THSD7B: variants seen among roughly 807,000 people sequenced by gnomAD.
THSD7B encodes the protein thrombospondin type 1 domain containing 7B.
THSD7B carries 138 observed loss-of-function variants against 213.6 expected under a neutral mutation model. That is an observed-to-expected ratio of 0.65 (90% CI 0.56 to 0.74). THSD7B has a LOEUF of 0.74. Among genes scored for constraint, THSD7B ranks in the 30% least tolerant of loss-of-function variants. THSD7B has a pLI of 0.00. For missense variants in THSD7B, 1,931 were observed against 1,991.5 expected, an observed-to-expected ratio of 0.97 and a Z score of 0.58; for synonymous variants, 742 against 687.0, an observed-to-expected ratio of 1.08 and a Z score of -1.25.
At chr2:137,330,879 C>T (rs958349571) in intron 12 of THSD7B, among the ~76,000 whole-genome samples, 18 of 152,108 alleles carry the variant, frequency 1.2e-4, no homozygotes, top group Non-Finnish European at 1.8e-4. Context: ...TTGGTAGAGC[C>T]GAGTGGTCTG....
In THSD7B at chr2:136,893,405, C is replaced by T. The variant is rs957181562; in HGVS notation, c.139+11088C>T. 2.6e-5 allele frequency among the ~76,000 whole-genome samples: 4 copies of T among 152,270 alleles called. No homozygotes were observed. In the South Asian group the frequency reaches 8.3e-4, roughly 32 times the overall value. ...TTTGGCACCTGGAAATGTCTCCCTGCACCTTTTTCGGCCATGGCAGAGTTT... is the reference window on the plus strand; with the variant it reads ...TTTGGCACCTGGAAATGTCTCCCTGTACCTTTTTCGGCCATGGCAGAGTTT... On this transcript the variant is annotated intron_variant, in intron 2 of 27. Transcript: ENST00000409968.
At chr2:137,623,013 G>A (rs1682550959) in intron 20 of THSD7B, among the ~76,000 whole-genome samples, 1 of 152,170 alleles carries the variant, frequency 6.6e-6, no homozygotes. Context: ...AAGCCTGGCA[G>A]AGACACAACA....
chr2:137,517,330 A>T (rs1360534018), intron 15 of THSD7B, among the ~76,000 whole-genome samples: 1 of 152,242 alleles, frequency 6.6e-6, no homozygotes, highest in African/African-American at 2.4e-5. Flanking sequence ...CCAGTGAGCA[A>T]GAAGTAACAA....
chr2:137,443,667 G>A lies in THSD7B; in HGVS notation c.2960-7178G>A, dbSNP rs186762216. Among the ~76,000 whole-genome samples, 463 of 152,010 alleles carry A rather than the reference G, an allele frequency of 3.0e-3. 1 individual carries two copies. Among genetic ancestry groups the A allele is most frequent in the African/African-American group, 0.011 (436 of 41,512 alleles). ...CAACCAAGTCTGAGTTTGAGTTCCC[G>A]TTCTACTTCTGACTATAAAATGAAG... On this transcript the variant is annotated intron_variant, in intron 14 of 27. Transcript: ENST00000409968.
chr2:136,992,621 C>T (rs960648117), intron 2 of THSD7B, among the ~76,000 whole-genome samples: 8 of 152,196 alleles, frequency 5.3e-5, no homozygotes, highest in African/African-American at 1.9e-4. Context: ...CAAGGCAACA[C>T]ACACACTCAA....
chr2:137,245,708 A>G (rs1303921652), intron 10 of THSD7B, among the ~76,000 whole-genome samples: 5 of 152,204 alleles, frequency 3.3e-5, no homozygotes, highest in Non-Finnish European at 5.9e-5. Flanking sequence ...AGTATGGGGC[A>G]TATAGTTGCT....
chr2:137,586,548 C>G (rs1318545327), intron 17 of THSD7B, among the ~76,000 whole-genome samples: 1 of 152,178 alleles, frequency 6.6e-6, no homozygotes, highest in Admixed American at 6.5e-5. Context: ...CATAATCTCT[C>G]AGCATTTGCT....
intron 12 of THSD7B, among the ~76,000 whole-genome samples, chr2:137,324,164 A>C (rs1331603121): frequency 6.6e-6 from 1 of 152,140 alleles, no homozygotes; most frequent in African/African-American, 2.4e-5. Flanking sequence ...TTCACTTATC[A>C]CATCAGTTTT....
intron 1 of THSD7B, among the ~76,000 whole-genome samples, chr2:136,826,373 G>C (rs1231182930): frequency 6.6e-6 from 1 of 152,168 alleles, no homozygotes; most frequent in Non-Finnish European, 1.5e-5. Context: ...AGGTAAATCG[G>C]ATTCATCCTC....
chr2:137,043,480 G>A (rs1686917979), intron 2 of THSD7B, among the ~76,000 whole-genome samples: 1 of 152,194 alleles, frequency 6.6e-6, no homozygotes, highest in Non-Finnish European at 1.5e-5. Flanking sequence ...GTTCTCTGGG[G>A]AAGCAAGGTA....
At chr2:136,832,421 C>T (rs1682772959) in intron 1 of THSD7B, among the ~76,000 whole-genome samples, 1 of 152,100 alleles carries the variant, frequency 6.6e-6, no homozygotes, top group Admixed American at 6.5e-5. Flanking sequence ...TGCATTCAGT[C>T]AGAAGGGACA....
chr2:137,358,866 T>A (rs967012551), intron 12 of THSD7B, among the ~76,000 whole-genome samples: 4 of 152,216 alleles, frequency 2.6e-5, no homozygotes, highest in African/African-American at 9.6e-5. Flanking sequence ...GGTTTGGATG[T>A]TCACAAATAG....
intron 12 of THSD7B, among the ~76,000 whole-genome samples, chr2:137,312,712 G>A (rs1271939426): frequency 6.8e-6 from 1 of 146,736 alleles, no homozygotes; most frequent in Non-Finnish European, 1.5e-5. Context: ...TTGTGTCTTT[G>A]TTCTCGTTGG....
At chr2:137,472,903 A>G (rs1353459138) in intron 15 of THSD7B, among the ~76,000 whole-genome samples, 1 of 152,304 alleles carries the variant, frequency 6.6e-6, no homozygotes, top group East Asian at 1.9e-4. Context: ...ATATTTGTCC[A>G]TTGAGTTATG....
intron 2 of THSD7B, among the ~76,000 whole-genome samples, chr2:136,901,358 C>G (rs1684059595): frequency 6.6e-6 from 1 of 152,206 alleles, no homozygotes; most frequent in African/African-American, 2.4e-5. Flanking sequence ...AGAAGAATTG[C>G]CCTGTACATT....
At chr2:137,084,640 G>A (rs916578335) in intron 3 of THSD7B, among the ~76,000 whole-genome samples, 2 of 152,108 alleles carry the variant, frequency 1.3e-5, no homozygotes, top group African/African-American at 4.8e-5. Context: ...CTACCCTCCT[G>A]CTATCTCTTT....
intron 12 of THSD7B, among the ~76,000 whole-genome samples, chr2:137,346,350 T>C (rs911894483): frequency 1.3e-5 from 2 of 151,680 alleles, no homozygotes; most frequent in Non-Finnish European, 3.0e-5. Context: ...TTTATTGCCA[T>C]GGGTTTATTT....
chr2:137,360,583 G>C (rs570348889), intron 12 of THSD7B, among the ~76,000 whole-genome samples: 11 of 152,288 alleles, frequency 7.2e-5, no homozygotes, highest in Admixed American at 2.6e-4. Context: ...GGCTCAGTGG[G>C]TGCCAAACCC....
intron 2 of THSD7B, among the ~76,000 whole-genome samples, chr2:136,929,179 G>A (rs911763827): frequency 1.1e-4 from 16 of 152,148 alleles, no homozygotes; most frequent in African/African-American, 3.6e-4. Context: ...GGGATTGCCC[G>A]TTTGCTCTGT....
Sources: allele counts gnomAD v4.1 joint callset (sites outside exome capture counted in the v4.1 genomes callset), GRCh38; gene constraint gnomAD v4.1.1; transcripts MANE v1.5; gene names NCBI Gene and HGNC (gene_info 2026-07-23, HGNC 2026-07-21).